Variants in PTPN3 observed in about 807,000 individuals in gnomAD.
The protein encoded by PTPN3 is protein tyrosine phosphatase non-receptor type 3.
In PTPN3, 96 loss-of-function variants were observed where a neutral mutation model predicts 132.7. The ratio of observed to expected loss-of-function variants is 0.72; its 90% CI spans 0.61 to 0.86. PTPN3 has a LOEUF of 0.86. Among genes scored for constraint, PTPN3 ranks in the 40% least tolerant of loss-of-function variants. The pLI is 0.00. For missense variants in PTPN3, 1,125 were observed against 1,159.6 expected, an observed-to-expected ratio of 0.97 and a Z score of 0.43; for synonymous variants, 398 against 429.0, an observed-to-expected ratio of 0.93 and a Z score of 0.89.
At chr9:109,429,955 A>G (rs769863934) in intron 10 of PTPN3, among the ~76,000 whole-genome samples, 40 of 152,350 alleles carry the variant, frequency 2.6e-4, no homozygotes, top group Non-Finnish European at 4.0e-4. Context: ...TGAACTATTC[A>G]TGGGACATCC....
At chr9:109,419,778 A>G (rs772429601) in intron 14 of PTPN3, among the ~76,000 whole-genome samples, 21 of 152,132 alleles carry the variant, frequency 1.4e-4, no homozygotes, top group Non-Finnish European at 2.5e-4. Flanking sequence ...AATATATCCT[A>G]TTGAATAACA....
intron 1 of PTPN3, among the ~76,000 whole-genome samples, chr9:109,497,346 T>C (rs971153498): frequency 2.6e-5 from 4 of 152,026 alleles, no homozygotes; most frequent in Middle Eastern, 3.2e-3. Context: ...CTTAATCCAC[T>C]CAACAACCCA....
chr9:109,415,066 C>T (rs1842377401), intron 14 of PTPN3, among the ~76,000 whole-genome samples: 1 of 120,260 alleles, frequency 8.3e-6, no homozygotes, highest in Non-Finnish European at 1.8e-5. Flanking sequence ...GTCCATCCGT[C>T]CGTCCATCCA....
chr9:109,476,065 C>T (rs1846651063), intron 1 of PTPN3, among the ~76,000 whole-genome samples: 1 of 152,170 alleles, frequency 6.6e-6, no homozygotes, highest in Admixed American at 6.5e-5. Context: ...GGTTAGAGCC[C>T]TCTAAAGCTT....
At chr9:109,466,040 G>A (rs1349790780) in intron 1 of PTPN3, among the ~76,000 whole-genome samples, 2 of 152,142 alleles carry the variant, frequency 1.3e-5, no homozygotes, top group Non-Finnish European at 2.9e-5. Flanking sequence ...GTGTGACAGA[G>A]TTCACTCACT....
At chr9:109,466,698 C>T (rs570777635) in intron 1 of PTPN3, among the ~76,000 whole-genome samples, 5 of 152,180 alleles carry the variant, frequency 3.3e-5, no homozygotes, top group South Asian at 2.1e-4. Flanking sequence ...TTCTGGCAGA[C>T]GCAAGTCACG....
intron 2 of PTPN3, among the ~76,000 whole-genome samples, 171 bp downstream of exon 2, chr9:109,463,126 A>T (rs1489114963): frequency 6.6e-6 from 1 of 151,610 alleles, no homozygotes; most frequent in African/African-American, 2.4e-5. Flanking sequence ...GCAGAGGTGA[A>T]ATTGGGGCAA....
In PTPN3 at chr9:109,401,417, G is replaced by A. The variant is rs143068528; in HGVS notation, c.1953+3031C>T. Among the ~76,000 whole-genome samples, 908 of 152,298 alleles carry A rather than the reference G, an allele frequency of 6.0e-3. 6 individuals carry two copies. Among genetic ancestry groups the A allele is most frequent in the African/African-American group, 0.02 (851 of 41,552 alleles). Reference sequence around the variant, plus strand: ...CCAGGTGATCTCCATACAAGTGGTCGGAGGGTCACCCTCTGAGAAACACAG... The same window carrying A: ...CCAGGTGATCTCCATACAAGTGGTCAGAGGGTCACCCTCTGAGAAACACAG... On this transcript the variant is annotated intron_variant, in intron 19 of 25. Transcript: ENST00000374541.
intron 1 of PTPN3, among the ~76,000 whole-genome samples, chr9:109,487,631 G>T (rs7860448): frequency 0.36 from 54,242 of 152,044 alleles, 10,307 homozygotes; most frequent in East Asian, 0.62. Context: ...TCAATGGAAG[G>T]TATATATCAT....
intron 18 of PTPN3, among the ~76,000 whole-genome samples, chr9:109,406,004 C>T (rs149486949): frequency 0.014 from 2,085 of 152,346 alleles, 20 homozygotes; most frequent in Middle Eastern, 0.065. Context: ...GTCCCCCAGC[C>T]CGCAGAGGCA....
intron 7 of PTPN3, among the ~76,000 whole-genome samples, chr9:109,443,374 G>C (rs1285887571): frequency 1.3e-5 from 2 of 152,036 alleles, no homozygotes; most frequent in African/African-American, 4.8e-5. Flanking sequence ...ACCATGCCCA[G>C]ATAATTCTTC....
At chr9:109,520,115 C>T in the PTPN3 span, among the ~76,000 whole-genome samples, 1,120 of 150,334 alleles carry the variant, frequency 7.5e-3, 10 homozygotes, top group African/African-American at 0.026. Flanking sequence ...GCCGAGATGG[C>T]GCCACTGCAC....
intron 1 of PTPN3, among the ~76,000 whole-genome samples, chr9:109,497,409 A>G (rs1847717539): frequency 6.6e-6 from 1 of 152,172 alleles, no homozygotes; most frequent in African/African-American, 2.4e-5. Context: ...TGAGGACCAG[A>G]GAGGTTAAAC....
At chr9:109,502,069 C>T (rs529027048), upstream of PTPN3, among the ~76,000 whole-genome samples, 5 of 152,266 alleles carry the variant, frequency 3.3e-5, no homozygotes, top group East Asian at 3.9e-4. Flanking sequence ...GAGTAAGATA[C>T]GCTACAAACT....
the PTPN3 span, among the ~76,000 whole-genome samples, chr9:109,509,476 AGTT>A: frequency 6.6e-6 from 1 of 152,198 alleles, no homozygotes; most frequent in Non-Finnish European, 1.5e-5. Context: ...CATTATATAC[AGTT>A]GTTTAAGTCT....
At chr9:109,440,303 G>A (rs544040996) in intron 7 of PTPN3, among the ~76,000 whole-genome samples, 5 of 152,352 alleles carry the variant, frequency 3.3e-5, no homozygotes, top group African/African-American at 1.2e-4. Context: ...CTATGTGGCT[G>A]GTGAGTTTGT....
chr9:109,485,922 T>C (rs1847186778), intron 1 of PTPN3, among the ~76,000 whole-genome samples: 1 of 152,244 alleles, frequency 6.6e-6, no homozygotes, highest in Admixed American at 6.5e-5. Flanking sequence ...ATTCTTTCAA[T>C]AGCAAATAAC....
chr9:109,406,099 C>T (rs1310176023), intron 18 of PTPN3, among the ~76,000 whole-genome samples: 5 of 152,182 alleles, frequency 3.3e-5, no homozygotes, highest in African/African-American at 1.2e-4. Context: ...TAAAATATCA[C>T]CAGATCCTTT....
chr9:109,403,233 C>T (rs1841297090), intron 19 of PTPN3, among the ~76,000 whole-genome samples: 1 of 152,212 alleles, frequency 6.6e-6, no homozygotes, highest in Non-Finnish European at 1.5e-5. Context: ...CAATCTTTCA[C>T]TCAAAGCTCT....
Sources: allele counts gnomAD v4.1 joint callset (sites outside exome capture counted in the v4.1 genomes callset), GRCh38; gene constraint gnomAD v4.1.1; transcripts MANE v1.5; gene names NCBI Gene and HGNC (gene_info 2026-07-23, HGNC 2026-07-21).